XIRP2: variants seen among roughly 807,000 people sequenced by gnomAD.
XIRP2 encodes the protein xin actin binding repeat containing 2, also known as xin actin-binding repeat-containing protein 2.
A neutral mutation model predicts 277.0 loss-of-function variants in XIRP2; 236 were observed. The observed-to-expected ratio is 0.85, with a 90% CI of 0.77 to 0.95. XIRP2 has a LOEUF of 0.95. XIRP2 is among the 40% of genes least tolerant of loss of function. XIRP2 has a pLI of 0.00. For missense variants in XIRP2, 4,640 were observed against 4,157.5 expected (o/e 1.12, Z -3.19); for synonymous variants, 1,490 against 1,416.5 (o/e 1.05, Z -1.17).
chr2:166,987,175 A>G (rs931099081), intron 2 of XIRP2, among the ~76,000 whole-genome samples: 1 of 152,118 alleles, frequency 6.6e-6, no homozygotes, highest in African/African-American at 2.4e-5. Context: ...GAGAAGAAAA[A>G]ATTTTAACAT....
chr2:167,231,144 A>T (rs1416669757), intron 5 of XIRP2, among the ~76,000 whole-genome samples: 1 of 152,020 alleles, frequency 6.6e-6, no homozygotes, highest in Non-Finnish European at 1.5e-5. Context: ...CAATGCTTAG[A>T]TCCAAGCCAG....
chr2:167,045,336 G>T (rs558859140), intron 2 of XIRP2, among the ~76,000 whole-genome samples: 2 of 152,060 alleles, frequency 1.3e-5, no homozygotes, highest in South Asian at 2.1e-4. Context: ...TCTGGATATT[G>T]GCCTAAGCAA....
Position 167,007,703 on chromosome 2 carries a change from T to TCTCTCACA in XIRP2, c.408+103814_408+103815insTCTCACAC, listed in dbSNP as rs1389098863. 3.0e-3 allele frequency among the ~76,000 whole-genome samples: 389 copies of TCTCTCACA among 130,140 alleles called. 3 individuals carry two copies. The highest frequency in any genetic ancestry group is 0.01 in the African/African-American group (365 of 35,698). The allele number at this position is 130,140 out of a possible 152,430, so 85.4% of individuals were successfully genotyped here. ...CACTCTCTCTCTCTCTCTCTCTCTCTCACACACACACACACACACACACAC... is the reference window on the plus strand; with the variant it reads ...CACTCTCTCTCTCTCTCTCTCTCTCTCTCTCACACACACACACACACACACACACACAC... On this transcript the variant is annotated intron_variant, in intron 2 of 10. Transcript: ENST00000409195.
intron 5 of XIRP2, among the ~76,000 whole-genome samples, chr2:167,238,166 T>C (rs1238870970): frequency 7.9e-5 from 12 of 152,230 alleles, no homozygotes; most frequent in Admixed American, 7.2e-4. Context: ...ATCTTATTCA[T>C]GTATGCATTC....
intron 3 of XIRP2, among the ~76,000 whole-genome samples, chr2:167,198,498 T>A (rs1693584896): frequency 6.6e-6 from 1 of 152,200 alleles, no homozygotes; most frequent in African/African-American, 2.4e-5. Context: ...CAATTACCTT[T>A]TCACTTAAAG....
chr2:167,176,655 C>T (rs1692855605), intron 3 of XIRP2, among the ~76,000 whole-genome samples: 1 of 152,134 alleles, frequency 6.6e-6, no homozygotes, highest in African/African-American at 2.4e-5. Context: ...TATGCCCTCT[C>T]AGTAAAGGGC....
intron 4 of XIRP2, among the ~76,000 whole-genome samples, chr2:167,214,171 AGAAG>A (rs201883189): frequency 3.9e-4 from 39 of 100,552 alleles, no homozygotes; most frequent in East Asian, 1.1e-3. Context: ...AGAAAGAGAA[AGAAG>A]GAAGGAAGGA....
chr2:167,031,429 A>G (rs1043798199), intron 2 of XIRP2, among the ~76,000 whole-genome samples: 3 of 152,006 alleles, frequency 2.0e-5, no homozygotes, highest in African/African-American at 7.2e-5. Flanking sequence ...TCTTTAAAGG[A>G]TTTTATTTCT....
At chr2:167,170,575 G>C (rs982862676) in intron 3 of XIRP2, among the ~76,000 whole-genome samples, 6 of 150,728 alleles carry the variant, frequency 4.0e-5, no homozygotes, top group Admixed American at 4.0e-4. Flanking sequence ...CATCTGAGTT[G>C]TCTATTTACT....
intron 1 of XIRP2, among the ~76,000 whole-genome samples, chr2:166,892,636 T>G (rs1337908774): frequency 6.6e-6 from 1 of 151,932 alleles, no homozygotes; most frequent in Admixed American, 6.6e-5. Flanking sequence ...TAAAAGGCCT[T>G]CCATCCAGGT....
At chr2:167,128,716 T>C (rs1171212110) in intron 2 of XIRP2, among the ~76,000 whole-genome samples, 1 of 151,204 alleles carries the variant, frequency 6.6e-6, no homozygotes, top group Non-Finnish European at 1.5e-5. Flanking sequence ...TTCAGGAAGC[T>C]TTCTCTGACC....
chr2:166,956,866 C>G (rs1686176403), intron 2 of XIRP2, among the ~76,000 whole-genome samples: 1 of 151,780 alleles, frequency 6.6e-6, no homozygotes, highest in Non-Finnish European at 1.5e-5. Context: ...GTCACAAGAC[C>G]AACCCTAGCT....
chr2:167,256,668 A>G (rs529394053), intron 10 of XIRP2, among the ~76,000 whole-genome samples: 1 of 151,946 alleles, frequency 6.6e-6, no homozygotes, highest in South Asian at 2.1e-4. Flanking sequence ...TATATTATTT[A>G]CCTTGGTACA....
intron 2 of XIRP2, among the ~76,000 whole-genome samples, chr2:167,089,522 C>A (rs111634184): frequency 6.6e-6 from 1 of 152,084 alleles, no homozygotes; most frequent in South Asian, 2.1e-4. Context: ...AAATGTTGTG[C>A]GCATGAGGGT....
rs188668677 is a variant in XIRP2 at position 166,912,164 on chromosome 2, G to T, written c.408+8274G>T. Among the ~76,000 whole-genome samples the T allele has an allele frequency of 3.3e-3, 501 of 152,270 alleles. 5 individuals are homozygous for T. The highest frequency in any genetic ancestry group is 0.011 in the African/African-American group (455 of 41,544). On this transcript the variant is annotated intron_variant, in intron 2 of 10. Coordinates refer to ENST00000409195, the MANE Select transcript of XIRP2 (RefSeq NM_152381.6). The stretch of plus-strand genomic sequence containing the variant: ...ATTTGAATATTGGCCTGCCTTGCTA[G>T]GTTGGGGAAGTTCTCCTGGATAATA...
intron 2 of XIRP2, among the ~76,000 whole-genome samples, chr2:167,000,513 G>GTTTT: frequency 7.2e-6 from 1 of 139,396 alleles, no homozygotes; most frequent in African/African-American, 2.6e-5. Flanking sequence ...GGGTTTTTTT[G>GTTTT]TTTTTTTTTT....
intron 2 of XIRP2, among the ~76,000 whole-genome samples, chr2:166,943,712 G>T (rs1217239234): frequency 6.6e-6 from 1 of 152,204 alleles, no homozygotes; most frequent in African/African-American, 2.4e-5. Flanking sequence ...AATGATATAT[G>T]CCCTGTATGG....
intron 8 of XIRP2, 47 bp downstream of exon 8, chr2:167,241,957 C>A: frequency 6.6e-7 from 1 of 1,517,296 alleles, no homozygotes; most frequent in Non-Finnish European, 8.8e-7. Context: ...TAAGACCAAG[C>A]TTAAATGTGT....
chr2:166,923,105 C>A (rs1461901865), intron 2 of XIRP2, among the ~76,000 whole-genome samples: 1 of 151,890 alleles, frequency 6.6e-6, no homozygotes, highest in Non-Finnish European at 1.5e-5. Context: ...AGCACAAATC[C>A]TCTTTTCTTG....
Sources: allele counts gnomAD v4.1 joint callset (sites outside exome capture counted in the v4.1 genomes callset), GRCh38; gene constraint gnomAD v4.1.1; transcripts MANE v1.5; gene names NCBI Gene and HGNC (gene_info 2026-07-23, HGNC 2026-07-21).